The following LTBP1 variants were observed in gnomAD, a reference collection of about 807,000 sequenced individuals.
LTBP1 encodes latent transforming growth factor beta binding protein 1, also known as latent-transforming growth factor beta-binding protein 1.
A neutral mutation model predicts 207.6 loss-of-function variants in LTBP1; 129 were observed. That is an observed-to-expected ratio of 0.62 (90% confidence interval 0.54 to 0.72). The LOEUF (loss-of-function observed/expected upper bound fraction) is 0.72. Among genes scored for constraint, LTBP1 ranks in the 30% least tolerant of loss-of-function variants. LTBP1 has a pLI of 0.00. For missense variants in LTBP1, 2,281 were observed against 2,217.2 expected (o/e 1.03, Z -0.58); for synonymous variants, 963 against 833.7 (o/e 1.16, Z -2.67).
chr2:32,999,315 C>T (rs1416538623), intron 2 of LTBP1, among the ~76,000 whole-genome samples: 1 of 152,094 alleles, frequency 6.6e-6, no homozygotes, highest in Non-Finnish European at 1.5e-5. Context: ...CATTTTAACC[C>T]GAGATGCCTT....
At chr2:33,365,526 C>G in intron 31 of LTBP1, 23 bp downstream of exon 31, 1 of 1,604,382 alleles carries the variant, frequency 6.2e-7, no homozygotes, top group Non-Finnish European at 8.5e-7. Flanking sequence ...CCAATTCCTT[C>G]TGCAGGAGGC....
intron 31 of LTBP1, among the ~76,000 whole-genome samples, chr2:33,368,249 A>G (rs551117815): frequency 5.3e-4 from 80 of 152,180 alleles, no homozygotes; most frequent in Non-Finnish European, 1.0e-3. Flanking sequence ...AAATTAGTAC[A>G]GCCTTTATGG....
At chr2:33,033,953 C>T (rs897034012) in intron 3 of LTBP1, among the ~76,000 whole-genome samples, 1 of 152,076 alleles carries the variant, frequency 6.6e-6, no homozygotes, top group African/African-American at 2.4e-5. Context: ...GACTGTTTGC[C>T]ATATAAGCCT....
intron 24 of LTBP1, among the ~76,000 whole-genome samples, chr2:33,334,276 A>G (rs2094529911): frequency 6.6e-6 from 1 of 152,268 alleles, no homozygotes; most frequent in Non-Finnish European, 1.5e-5. Context: ...GGCAGAGGCC[A>G]CATGGACAAG....
chr2:33,103,632 T>TGTGTGTGTGTG (rs200334066), intron 3 of LTBP1, among the ~76,000 whole-genome samples: 6 of 149,396 alleles, frequency 4.0e-5, no homozygotes, highest in African/African-American at 7.4e-5. Flanking sequence ...TGTGTGAGTG[T>TGTGTGTGTGTG]TATGCTGCCA....
intron 5 of LTBP1, among the ~76,000 whole-genome samples, chr2:33,151,160 A>G (rs549078977): frequency 6.6e-6 from 1 of 152,294 alleles, no homozygotes; most frequent in Admixed American, 6.5e-5. Context: ...CGATGTATAT[A>G]TTTAGGTTGT....
At chr2:33,266,854 C>G (rs558744843) in intron 15 of LTBP1, among the ~76,000 whole-genome samples, 1 of 152,284 alleles carries the variant, frequency 6.6e-6, no homozygotes, top group East Asian at 1.9e-4. Flanking sequence ...ACTCAGAGCC[C>G]ACCAAATGGT....
intron 3 of LTBP1, among the ~76,000 whole-genome samples, chr2:33,072,229 G>A (rs542558523): frequency 6.6e-6 from 1 of 152,338 alleles, no homozygotes; most frequent in South Asian, 2.1e-4. Flanking sequence ...GAGGTGCTTA[G>A]GGAGAGGTTT....
intron 9 of LTBP1, 116 bp from the exon 10 acceptor site, chr2:33,243,546 T>A (rs781572560): frequency 1.7e-5 from 16 of 927,054 alleles, no homozygotes; most frequent in Non-Finnish European, 2.6e-5. Flanking sequence ...GCTACATCCT[T>A]TTTTCACTAT....
chr2:33,182,458 C>T (rs764356105), intron 5 of LTBP1, among the ~76,000 whole-genome samples: 130 of 151,634 alleles, frequency 8.6e-4, no homozygotes, highest in Non-Finnish European at 1.5e-3. Flanking sequence ...GTCAGGAGAT[C>T]GAAACCATCC....
At chr2:33,383,639 A>G (rs2095240399) in intron 31 of LTBP1, among the ~76,000 whole-genome samples, 1 of 152,022 alleles carries the variant, frequency 6.6e-6, no homozygotes, top group South Asian at 2.1e-4. Flanking sequence ...AGCTCACTGC[A>G]GCCTGGACTT....
chr2:33,012,666 G>C (rs1038660191), intron 2 of LTBP1, among the ~76,000 whole-genome samples: 1 of 152,156 alleles, frequency 6.6e-6, no homozygotes, highest in South Asian at 2.1e-4. Context: ...CACAATGCAG[G>C]CATTTAAGAG....
At chr2:33,365,632 T>TGTGTGA in intron 31 of LTBP1, 129 bp downstream of exon 31, 1 of 772,048 alleles carries the variant, frequency 1.3e-6, no homozygotes, top group Non-Finnish European at 2.0e-6. Context: ...ATCCCGTGTG[T>TGTGTGA]GTGTGTGTGT....
At chr2:33,078,180 C>G (rs1386421010) in intron 3 of LTBP1, among the ~76,000 whole-genome samples, 1 of 152,182 alleles carries the variant, frequency 6.6e-6, no homozygotes, top group South Asian at 2.1e-4. Context: ...GTTGTAACAG[C>G]ATGAACTTGG....
chr2:32,947,330 G>T lies in LTBP1; in HGVS notation c.6G>T (p.Ala2=), dbSNP rs1256854147. 5 of 1,238,228 alleles carry T rather than the reference G, an allele frequency of 4.0e-6. No individual in the cohort carries two copies. In the Admixed American group the frequency reaches 1.7e-4, roughly 43 times the overall value. The allele number at this position is 1,238,228 out of a possible 1,614,324, so 76.7% of individuals were successfully genotyped here. The part of the protein sequence containing the change: M[A]GAWLRWGLLL... Reference sequence around the variant, plus strand: ...CGCGCCCGCTGGGGCCCGCGATGGCGGGGGCCTGGCTCAGGTGGGGGCTCC... The same window carrying T: ...CGCGCCCGCTGGGGCCCGCGATGGCTGGGGCCTGGCTCAGGTGGGGGCTCC... The change falls in exon 1 of 34, where the codon GCG becomes GCT. Residue 2 remains alanine (A), a synonymous_variant. Coordinates refer to ENST00000404816, the MANE Select transcript of LTBP1 (RefSeq NM_206943.4).
chr2:33,294,574 A>ATT (rs1558962566), intron 20 of LTBP1, among the ~76,000 whole-genome samples: 2 of 145,702 alleles, frequency 1.4e-5, no homozygotes, highest in African/African-American at 5.2e-5. Context: ...TATTGGGTAA[A>ATT]ATTTTTTTTT....
At position 33,305,363 on chromosome 2, in the gene LTBP1, C is replaced by T. The variant is rs570744896; in HGVS notation, c.3481+3719C>T. Among the ~76,000 whole-genome samples the T allele has an allele frequency of 1.4e-4, 21 of 151,952 alleles. No homozygotes were observed. In the South Asian group the frequency reaches 3.9e-3, roughly 29 times the overall value. On this transcript the variant is annotated intron_variant, in intron 22 of 33. Coordinates refer to ENST00000404816, the MANE Select transcript of LTBP1 (RefSeq NM_206943.4). Reference sequence around the variant, plus strand: ...TGATAAATAAGTAAAATATATAGTTCGTTAAATGGCAATAAATTTTACAGA... The same window carrying T: ...TGATAAATAAGTAAAATATATAGTTTGTTAAATGGCAATAAATTTTACAGA...
At chr2:33,032,298 A>C (rs1340779529) in intron 3 of LTBP1, among the ~76,000 whole-genome samples, 1 of 152,136 alleles carries the variant, frequency 6.6e-6, no homozygotes, top group Admixed American at 6.5e-5. Context: ...TCAAACTAAC[A>C]CATCATGCTC....
chr2:33,057,689 C>T (rs2077070164), intron 3 of LTBP1, among the ~76,000 whole-genome samples: 1 of 152,244 alleles, frequency 6.6e-6, no homozygotes, highest in South Asian at 2.1e-4. Flanking sequence ...CCCCTCACTG[C>T]CCGGGGCCGG....
Sources: gnomAD v4.1 joint callset for allele counts (sites outside exome capture counted in the v4.1 genomes callset) on GRCh38, gnomAD v4.1.1 for gene constraint, MANE v1.5 for transcripts, NCBI Gene and HGNC (gene_info 2026-07-23, HGNC 2026-07-21) for gene names.